Variants in PDSS2 observed in about 807,000 individuals in gnomAD.
The protein encoded by PDSS2 is decaprenyl diphosphate synthase subunit 2, also known as all trans-polyprenyl-diphosphate synthase PDSS2.
In PDSS2, 31 loss-of-function variants were observed where a neutral mutation model predicts 44.5. The ratio of observed to expected loss-of-function variants is 0.70; its 90% CI spans 0.52 to 0.94. The LOEUF (loss-of-function observed/expected upper bound fraction) is 0.94, where lower values mean the gene tolerates loss of function less well. Among genes scored for constraint, PDSS2 ranks in the 40% least tolerant of loss-of-function variants. The pLI is 0.00. For missense variants in PDSS2, 452 were observed against 482.2 expected, an observed-to-expected ratio of 0.94 and a Z score of 0.59; for synonymous variants, 157 against 180.3, an observed-to-expected ratio of 0.87 and a Z score of 1.03.
intron 1 of PDSS2, among the ~76,000 whole-genome samples, chr6:107,438,755 A>G (rs1437663528): frequency 6.6e-6 from 1 of 152,234 alleles, no homozygotes; most frequent in African/African-American, 2.4e-5. Flanking sequence ...GGATTATTAC[A>G]TACTGGCTTT....
At position 107,154,442 on chromosome 6, in the gene PDSS2, T is replaced by C; in HGVS notation, c.*177A>G. ...GTGAAAACTGCTTGACCTTTTTTTC[T>C]TCTAATTTTGTTTGTAGCAGTTCCA... On this transcript the variant is annotated 3_prime_UTR_variant, in exon 8 of 8. Transcript: ENST00000369037. 1.6e-6 allele frequency: 1 copy of C among 623,454 alleles called. No individual in the cohort carries two copies. The highest frequency in any genetic ancestry group is 1.9e-5 in the South Asian group (1 of 52,030). The allele number at this position is 623,454 out of a possible 1,614,324, so 38.6% of individuals were successfully genotyped here. A position where few individuals can be genotyped will look rare whatever the true frequency, so the allele number is the denominator to read the frequency against.
chr6:107,405,882 A>G (rs1344363405), intron 1 of PDSS2, among the ~76,000 whole-genome samples: 4 of 151,938 alleles, frequency 2.6e-5, no homozygotes, highest in Non-Finnish European at 5.9e-5. Context: ...AGAATGGTGG[A>G]ATAGATAAAA....
chr6:107,431,753 T>C (rs1781201154), intron 1 of PDSS2, among the ~76,000 whole-genome samples: 1 of 152,214 alleles, frequency 6.6e-6, no homozygotes, highest in African/African-American at 2.4e-5. Context: ...TAATAGTTAA[T>C]AACAGTAGCT....
chr6:107,435,844 C>A (rs540898625), intron 1 of PDSS2, among the ~76,000 whole-genome samples: 10 of 152,028 alleles, frequency 6.6e-5, no homozygotes, highest in South Asian at 2.1e-4. Context: ...TAAAAAAAAT[C>A]TTTGAAGCAA....
chr6:107,446,788 G>T (rs1311970816), intron 1 of PDSS2, among the ~76,000 whole-genome samples: 1 of 151,834 alleles, frequency 6.6e-6, no homozygotes, highest in Non-Finnish European at 1.5e-5. Flanking sequence ...CAGCCCCAAT[G>T]ATTAAATTAT....
chr6:107,159,339 G>T, intron 7 of PDSS2, among the ~76,000 whole-genome samples: 1 of 138,082 alleles, frequency 7.2e-6, no homozygotes, highest in Non-Finnish European at 1.6e-5. Context: ...GAGGAAGGAA[G>T]GAAGGAAGAA....
At chr6:107,251,935 T>C (rs771689946) in intron 3 of PDSS2, among the ~76,000 whole-genome samples, 5 of 152,188 alleles carry the variant, frequency 3.3e-5, no homozygotes, top group Admixed American at 1.3e-4. Context: ...CACCCTCCCA[T>C]AGAGACCAAT....
At chr6:107,180,151 C>T (rs1409730803) in intron 7 of PDSS2, among the ~76,000 whole-genome samples, 2 of 152,206 alleles carry the variant, frequency 1.3e-5, no homozygotes, top group East Asian at 3.9e-4. Flanking sequence ...TTTTAATGGA[C>T]TAAACAGGCT....
chr6:107,314,771 C>T (rs920927580), intron 2 of PDSS2, among the ~76,000 whole-genome samples: 15 of 152,154 alleles, frequency 9.9e-5, no homozygotes, highest in East Asian at 3.8e-4. Flanking sequence ...TTTACAGTAA[C>T]GGTGGATCAA....
chr6:107,292,584 ACAT>A (rs1343105273), intron 2 of PDSS2, among the ~76,000 whole-genome samples: 1 of 152,252 alleles, frequency 6.6e-6, no homozygotes, highest in East Asian at 1.9e-4. Context: ...TTATGCATGA[ACAT>A]AATAAAGCTC....
intron 3 of PDSS2, among the ~76,000 whole-genome samples, chr6:107,256,072 C>T (rs1199735629): frequency 1.3e-5 from 2 of 152,044 alleles, no homozygotes; most frequent in Non-Finnish European, 2.9e-5. Flanking sequence ...CTCACTGTAA[C>T]CTCCCCGTCC....
intron 1 of PDSS2, among the ~76,000 whole-genome samples, chr6:107,448,104 G>T (rs12210603): frequency 0.048 from 7,338 of 152,186 alleles, 357 homozygotes; most frequent in African/African-American, 0.12. Context: ...GCTGGACCTG[G>T]CCCAGGAAAC....
At chr6:107,272,405 G>C (rs564329099) in intron 3 of PDSS2, among the ~76,000 whole-genome samples, 1 of 151,864 alleles carries the variant, frequency 6.6e-6, no homozygotes, top group Admixed American at 6.6e-5. Context: ...GTCCTTCCTC[G>C]TTCTATTGAC....
At position 107,281,344 on chromosome 6, in the gene PDSS2, C is replaced by T. The variant is rs1775953162; in HGVS notation, c.432-7117G>A. On this transcript the variant is annotated intron_variant, in intron 2 of 7. Coordinates refer to ENST00000369037, the MANE Select transcript of PDSS2 (RefSeq NM_020381.4). ...TAGACTTCTTGTTATCTGAGATAAA[C>T]ACTGCACTCTTTCAAGTCACTGTTT... 3.3e-5 allele frequency among the ~76,000 whole-genome samples: 5 copies of T among 152,180 alleles called. No individual in the cohort carries two copies. The South Asian group carries it at 1.0e-3, about 32-fold the overall frequency.
At chr6:107,348,830 T>A (rs2430472) in intron 1 of PDSS2, among the ~76,000 whole-genome samples, 41,051 of 152,132 alleles carry the variant, frequency 0.27, 7,176 homozygotes, top group Middle Eastern at 0.5. Flanking sequence ...CGAATATCTA[T>A]TGCAGGCAGT....
intron 1 of PDSS2, among the ~76,000 whole-genome samples, chr6:107,438,404 C>T (rs1562540351): frequency 6.6e-6 from 1 of 151,984 alleles, no homozygotes; most frequent in Non-Finnish European, 1.5e-5. Context: ...ATTTTTAGTA[C>T]AAAGTTTCGC....
chr6:107,457,743 T>G (rs1267598395), intron 1 of PDSS2, among the ~76,000 whole-genome samples: 1 of 152,224 alleles, frequency 6.6e-6, no homozygotes, highest in East Asian at 1.9e-4. Context: ...GATCCTGGAC[T>G]GAATCCTGTC....
chr6:107,329,412 C>T (rs1777645624), intron 2 of PDSS2, among the ~76,000 whole-genome samples: 1 of 152,168 alleles, frequency 6.6e-6, no homozygotes, highest in Non-Finnish European at 1.5e-5. Flanking sequence ...CCTTTCCTTT[C>T]CACCTCATCT....
chr6:107,337,830 CATT>C (rs1389996632), intron 1 of PDSS2, among the ~76,000 whole-genome samples: 2 of 152,124 alleles, frequency 1.3e-5, no homozygotes, highest in South Asian at 2.1e-4. Flanking sequence ...ACCCCCTAAT[CATT>C]ATTATCATTA....
Sources: gnomAD v4.1 joint callset for allele counts (sites outside exome capture counted in the v4.1 genomes callset) on GRCh38, gnomAD v4.1.1 for gene constraint, MANE v1.5 for transcripts, NCBI Gene and HGNC (gene_info 2026-07-23, HGNC 2026-07-21) for gene names.